Variants in VAC14 observed in about 807,000 individuals in gnomAD.
VAC14 encodes protein VAC14 homolog.
A neutral mutation model predicts 85.3 loss-of-function variants in VAC14; 47 were observed. That is an observed-to-expected ratio of 0.55 (90% confidence interval 0.44 to 0.70). The LOEUF (loss-of-function observed/expected upper bound fraction) is 0.70. Ranked by LOEUF, VAC14 falls within the 30% of genes least tolerant of loss-of-function variation. VAC14 has a pLI of 0.00. For synonymous variants in VAC14, 447 were observed against 430.5 expected (o/e 1.04, Z -0.47); for missense variants, 861 against 1,004.3 (o/e 0.86, Z 1.93).
At chr16:70,705,205 G>C (rs1287271520) in intron 14 of VAC14, among the ~76,000 whole-genome samples, 1 of 152,194 alleles carries the variant, frequency 6.6e-6, no homozygotes, top group African/African-American at 2.4e-5. Flanking sequence ...CTGGGTGCAG[G>C]CTCTGCCCTC....
chr16:70,791,613 T>C (rs2034343258), intron 1 of VAC14, among the ~76,000 whole-genome samples: 1 of 152,208 alleles, frequency 6.6e-6, no homozygotes, highest in Admixed American at 6.5e-5. Flanking sequence ...CTTGAGCTCC[T>C]GGCCTCTAGT....
chr16:70,755,789 C>T (rs1465962314), intron 12 of VAC14, among the ~76,000 whole-genome samples: 6 of 152,162 alleles, frequency 3.9e-5, no homozygotes, highest in African/African-American at 1.2e-4. Context: ...AATGAAGGGG[C>T]CTCTACTTTA....
chr16:70,689,175 C>G (rs1335247033), intron 18 of VAC14: 4 of 976,814 alleles, frequency 4.1e-6, no homozygotes, highest in South Asian at 9.5e-5. Context: ...TGACTGTTTC[C>G]TCATCTGCAA....
chr16:70,748,802 T>G (rs905896854), intron 12 of VAC14, among the ~76,000 whole-genome samples: 1 of 152,072 alleles, frequency 6.6e-6, no homozygotes, highest in East Asian at 1.9e-4. Context: ...CAAAAATTAG[T>G]TGGTATGGTG....
chr16:70,763,083 G>A (rs1472056821), intron 10 of VAC14, 58 bp from the exon 11 acceptor site: 57 of 1,608,608 alleles, frequency 3.5e-5, no homozygotes, highest in Non-Finnish European at 4.6e-5. Context: ...CCTCTCCCAT[G>A]GAGTCATGGC....
rs371092320 is a variant in VAC14, at chr16:70,783,156, G to C, written c.705-17C>G. The C allele has an allele frequency of 6.2e-7, 1 of 1,611,370 alleles. No individual in the cohort carries two copies. The highest frequency in any genetic ancestry group is 1.1e-5 in the South Asian group (1 of 90,760). On this transcript the variant is annotated splice_polypyrimidine_tract_variant and intron_variant, in intron 6 of 18. Coordinates refer to ENST00000261776, the MANE Select transcript of VAC14 (RefSeq NM_018052.5). ...ACCTCACACCTATGAACAAGAACAG[G>C]AAAGTGGAAACAGCGAGGGTCAGCC...
At chr16:70,788,050 T>C (rs1480199601) in intron 1 of VAC14, among the ~76,000 whole-genome samples, 1 of 152,236 alleles carries the variant, frequency 6.6e-6, no homozygotes, top group African/African-American at 2.4e-5. Flanking sequence ...CATCAAATCA[T>C]GGCAGGTATC....
rs1328104600 is a variant in VAC14, at chr16:70,697,276, G to A, written c.1837-19C>T. The stretch of plus-strand genomic sequence containing the variant: ...GGCTCTCCTGTGGGGGAACAGGCAT[G>A]AGCCGTGAGGACACGCCTGCTCCTT... On this transcript the variant is annotated intron_variant, in intron 15 of 18. Coordinates refer to ENST00000261776, the MANE Select transcript of VAC14 (RefSeq NM_018052.5). 4.4e-6 allele frequency: 7 copies of A among 1,603,460 alleles called. No individual in the cohort carries two copies. The highest frequency in any genetic ancestry group is 1.3e-5 in the African/African-American group (1 of 74,858).
At chr16:70,784,092 C>CCTGGA in intron 5 of VAC14, 21 bp downstream of exon 5, 1 of 1,603,280 alleles carries the variant, frequency 6.2e-7, no homozygotes, top group African/African-American at 1.3e-5. Flanking sequence ...GCTGGAGAAA[C>CCTGGA]GGTGTCCGGC....
chr16:70,691,201 T>A (rs2053588625), intron 18 of VAC14: 1 of 985,360 alleles, frequency 1.0e-6, no homozygotes, highest in Admixed American at 6.1e-5. Flanking sequence ...TCTGAGCCTC[T>A]GCTCCCCTCC....
At chr16:70,759,912 C>A (rs1282119196) in intron 12 of VAC14, among the ~76,000 whole-genome samples, 2 of 152,156 alleles carry the variant, frequency 1.3e-5, no homozygotes, top group African/African-American at 4.8e-5. Context: ...TCTACCACCT[C>A]CTAGCTGTGT....
chr16:70,784,113 C>A lies in VAC14; in HGVS notation c.594G>T (p.Trp198Cys). The part of the protein sequence containing the change: ...NQYARQFIIS[W>C]ILVLESVPDI... ...GAAACGGTGTCCGGCCAGGCCTTAC[C>A]CAGGAGATGATGAACTGCCGGGCAT... Residue 198 changes from tryptophan (W) to cysteine (C), a missense_variant and splice_region_variant, in exon 5 of 19, where the codon TGG becomes TGT. Trp to Cys is a radical substitution (Grantham distance 215, BLOSUM62 -2). Coordinates refer to ENST00000261776, the MANE Select transcript of VAC14 (RefSeq NM_018052.5). The A allele has an allele frequency of 1.2e-6, 2 of 1,613,926 alleles. No individual in the cohort carries two copies. Among genetic ancestry groups the A allele is most frequent in the Non-Finnish European group, 1.7e-6 (2 of 1,179,766 alleles).
chr16:70,744,411 GAGA>G lies in VAC14; in HGVS notation c.1528+9_1528+11del. The stretch of plus-strand genomic sequence containing the variant: ...AGGCCCCTGAGGCTAGAACCTTCAG[GAGA>G]AGACTTACCAGAGGTGTTCAGTAGG... On this transcript the variant is annotated intron_variant, in intron 13 of 18. Transcript: ENST00000261776. 6.2e-7 allele frequency: 1 copy of G among 1,613,948 alleles called. No homozygotes were observed. Among genetic ancestry groups the G allele is most frequent in the Non-Finnish European group, 8.5e-7 (1 of 1,179,984 alleles).
chr16:70,745,502 T>TGG, intron 12 of VAC14, among the ~76,000 whole-genome samples: 1 of 147,684 alleles, frequency 6.8e-6, no homozygotes, highest in Non-Finnish European at 1.5e-5. Flanking sequence ...TGTGTGTGTG[T>TGG]GTGTGTGTGT....
At chr16:70,798,471 T>C (rs1184800815) in intron 1 of VAC14, among the ~76,000 whole-genome samples, 1 of 152,214 alleles carries the variant, frequency 6.6e-6, no homozygotes, top group Non-Finnish European at 1.5e-5. Flanking sequence ...ACATAGAAAG[T>C]GCTCAGACAA....
chr16:70,708,702 G>A (rs1003206963), intron 14 of VAC14, among the ~76,000 whole-genome samples: 1 of 152,240 alleles, frequency 6.6e-6, no homozygotes, highest in African/African-American at 2.4e-5. Flanking sequence ...CTCTGAAGCT[G>A]AGATAGCAGG....
intron 9 of VAC14, among the ~76,000 whole-genome samples, chr16:70,776,933 A>C (rs2033550700): frequency 6.6e-6 from 1 of 151,146 alleles, no homozygotes; most frequent in Non-Finnish European, 1.5e-5. Flanking sequence ...TCAGCCTCCC[A>C]AGTAGCTTGG....
At chr16:70,752,411 T>G (rs1370775008) in intron 12 of VAC14, among the ~76,000 whole-genome samples, 1 of 152,162 alleles carries the variant, frequency 6.6e-6, no homozygotes, top group Non-Finnish European at 1.5e-5. Context: ...CATTCCAAGG[T>G]CTCCCCTCCT....
At position 70,730,690 on chromosome 16, in the gene VAC14, C is replaced by T. The variant is rs371763257; in HGVS notation, c.1661+805G>A. Among the ~76,000 whole-genome samples the T allele has an allele frequency of 4.0e-5, 6 of 149,252 alleles. No individual in the cohort carries two copies. In the South Asian group the frequency reaches 8.6e-4, roughly 21 times the overall value. On this transcript the variant is annotated intron_variant, in intron 14 of 18. Transcript: ENST00000261776. ...TCGGCTCACTGCAACGTCCACCTCC[C>T]GGGTTCAGGCGATTTGTGTGTCTCA...
Sources: gnomAD v4.1 joint callset for allele counts (sites outside exome capture counted in the v4.1 genomes callset) on GRCh38, gnomAD v4.1.1 for gene constraint, MANE v1.5 for transcripts, NCBI Gene and HGNC (gene_info 2026-07-23, HGNC 2026-07-21) for gene names.